The following AKAP13 variants were observed in gnomAD, a reference collection of about 807,000 sequenced individuals.
AKAP13 encodes the protein A-kinase anchor protein 13.
In AKAP13, 80 loss-of-function variants were observed where a neutral mutation model predicts 264.5. The observed-to-expected ratio is 0.30, with a 90% CI of 0.25 to 0.36. AKAP13 has a LOEUF of 0.36. Ranked by LOEUF, AKAP13 falls within the 10% of genes least tolerant of loss-of-function variation. The pLI, the probability that AKAP13 is intolerant of heterozygous loss-of-function variation, is 1.00. For synonymous variants in AKAP13, 1,380 were observed against 1,250.2 expected, an observed-to-expected ratio of 1.10 and a Z score of -2.19; for missense variants, 3,712 against 3,435.2, an observed-to-expected ratio of 1.08 and a Z score of -2.01.
chr15:85,526,193 T>C (rs1250111846), intron 3 of AKAP13, among the ~76,000 whole-genome samples: 1 of 152,140 alleles, frequency 6.6e-6, no homozygotes, highest in Non-Finnish European at 1.5e-5. Flanking sequence ...AAGAAAAAAA[T>C]TGCAGCCCAG....
At chr15:85,707,962 C>A (rs2086404871) in intron 17 of AKAP13, 57 bp from the exon 18 acceptor site, 2 of 1,582,908 alleles carry the variant, frequency 1.3e-6, no homozygotes, top group Non-Finnish European at 1.7e-6. Context: ...AGTGGAAACT[C>A]AGAATCTGGG....
chr15:85,460,761 C>T (rs574580046), intron 1 of AKAP13, among the ~76,000 whole-genome samples: 1 of 152,314 alleles, frequency 6.6e-6, no homozygotes, highest in African/African-American at 2.4e-5. Flanking sequence ...ACTTTGCTGG[C>T]TCTGAAGATG....
intron 3 of AKAP13, among the ~76,000 whole-genome samples, chr15:85,531,531 T>C (rs1184455630): frequency 6.6e-6 from 1 of 152,238 alleles, no homozygotes; most frequent in Non-Finnish European, 1.5e-5. Flanking sequence ...ACTGAATCAT[T>C]TGGCTTGTTT....
intron 8 of AKAP13, among the ~76,000 whole-genome samples, chr15:85,591,230 TC>T (rs5814203): frequency 1 from 152,274 of 152,274 alleles, 76,137 homozygotes; most frequent in Non-Finnish European, 1. Flanking sequence ...GAATAATTTT[TC>T]CCATTATACT....
intron 19 of AKAP13, among the ~76,000 whole-genome samples, chr15:85,714,592 G>A (rs987305218): frequency 2.6e-5 from 4 of 152,240 alleles, no homozygotes; most frequent in Admixed American, 1.3e-4. Context: ...TATCTAACAG[G>A]CACTCCAGAT....
chr15:85,387,058 G>T (rs1308898860), intron 1 of AKAP13, among the ~76,000 whole-genome samples: 1 of 151,806 alleles, frequency 6.6e-6, no homozygotes, highest in African/African-American at 2.4e-5. Context: ...GGTCTCAGCC[G>T]GGTGTGGTGG....
chr15:85,461,536 G>A (rs8038570), intron 1 of AKAP13, among the ~76,000 whole-genome samples: 151,649 of 152,322 alleles, frequency 1, 75,508 homozygotes, highest in Middle Eastern at 1. Flanking sequence ...AATGTGTTCA[G>A]CAATCCTTGC....
intron 2 of AKAP13, among the ~76,000 whole-genome samples, chr15:85,488,918 A>G (rs1054666461): frequency 6.6e-6 from 1 of 152,260 alleles, no homozygotes; most frequent in African/African-American, 2.4e-5. Flanking sequence ...TTTTTGTAAC[A>G]GCAGTAGAAA....
intron 8 of AKAP13, among the ~76,000 whole-genome samples, chr15:85,620,567 C>T (rs1428324400): frequency 6.6e-6 from 1 of 152,056 alleles, no homozygotes; most frequent in Non-Finnish European, 1.5e-5. Context: ...AGTCTCTCTG[C>T]CTCTGTCTTT....
At chr15:85,685,784 T>C (rs997770805) in intron 16 of AKAP13, among the ~76,000 whole-genome samples, 1 of 152,174 alleles carries the variant, frequency 6.6e-6, no homozygotes, top group Non-Finnish European at 1.5e-5. Flanking sequence ...GTGCCCAGCC[T>C]AAAGTAACAT....
intron 8 of AKAP13, among the ~76,000 whole-genome samples, chr15:85,607,284 G>A (rs767592069): frequency 2.2e-4 from 34 of 151,956 alleles, no homozygotes; most frequent in Non-Finnish European, 4.4e-4. Context: ...GATCCAGAGG[G>A]GATATGGTAG....
At chr15:85,584,919 G>C (rs8035127) in intron 7 of AKAP13, among the ~76,000 whole-genome samples, 143,517 of 152,270 alleles carry the variant, frequency 0.94, 67,671 homozygotes, top group East Asian at 0.98. Context: ...CATGAGTCCC[G>C]TTTAAAGAAG....
intron 2 of AKAP13, among the ~76,000 whole-genome samples, chr15:85,493,924 C>T (rs973580720): frequency 1.3e-5 from 2 of 152,212 alleles, no homozygotes; most frequent in Admixed American, 1.3e-4. Flanking sequence ...ACAATGCCCC[C>T]TTAAACCTCA....
chr15:85,521,377 G>T, intron 2 of AKAP13, 51 bp from the exon 3 acceptor site: 1 of 1,593,166 alleles, frequency 6.3e-7, no homozygotes, highest in Non-Finnish European at 8.6e-7. Flanking sequence ...AAGATAGGCT[G>T]CGAAGAGGAA....
intron 1 of AKAP13, among the ~76,000 whole-genome samples, chr15:85,455,482 G>T (rs1044308723): frequency 2.0e-4 from 31 of 151,774 alleles, no homozygotes; most frequent in African/African-American, 7.3e-4. Context: ...CGGCGGGAGG[G>T]GAATTTTAGT....
chr15:85,500,871 T>C (rs2076020728), intron 2 of AKAP13, among the ~76,000 whole-genome samples: 1 of 152,230 alleles, frequency 6.6e-6, no homozygotes, highest in African/African-American at 2.4e-5. Flanking sequence ...GGATTAACTG[T>C]TGACCCCATG....
intron 8 of AKAP13, among the ~76,000 whole-genome samples, chr15:85,614,231 G>A (rs60591590): frequency 0.017 from 2,576 of 152,274 alleles, 75 homozygotes; most frequent in African/African-American, 0.059. Context: ...TGATTCGAAA[G>A]AGAAGCCTGA....
intron 1 of AKAP13, among the ~76,000 whole-genome samples, chr15:85,460,566 T>G (rs2150998835): frequency 6.6e-6 from 1 of 152,298 alleles, no homozygotes; most frequent in Admixed American, 6.5e-5. Context: ...CTATGAACAT[T>G]TTACCTTATA....
intron 5 of AKAP13, chr15:85,555,597 C>A: frequency 4.4e-6 from 3 of 680,402 alleles, no homozygotes; most frequent in Non-Finnish European, 6.9e-6. Flanking sequence ...CATTGAACTT[C>A]CCTGAAGGAC....
Sources: gnomAD v4.1 joint callset for allele counts (sites outside exome capture counted in the v4.1 genomes callset) on GRCh38, gnomAD v4.1.1 for gene constraint, MANE v1.5 for transcripts, NCBI Gene and HGNC (gene_info 2026-07-23, HGNC 2026-07-21) for gene names.